Variants in ENPP1 observed in about 807,000 individuals in gnomAD.
The protein encoded by ENPP1 is ectonucleotide pyrophosphatase/phosphodiesterase 1.
A neutral mutation model predicts 122.8 loss-of-function variants in ENPP1; 73 were observed. The ratio of observed to expected loss-of-function variants is 0.59; its 90% CI spans 0.49 to 0.72. The LOEUF is 0.72. Ranked by LOEUF, ENPP1 falls within the 30% of genes least tolerant of loss-of-function variation. ENPP1 has a pLI of 0.00. For missense variants in ENPP1, 978 were observed against 1,128.1 expected (o/e 0.87, Z 1.91); for synonymous variants, 367 against 391.6 (o/e 0.94, Z 0.74).
At chr6:131,881,746 G>A (rs756551398) in intron 20 of ENPP1, among the ~76,000 whole-genome samples, 10 of 152,066 alleles carry the variant, frequency 6.6e-5, no homozygotes, top group Admixed American at 2.0e-4. Flanking sequence ...AGCCAGGCGT[G>A]GTGGGTCACA....
intron 1 of ENPP1, among the ~76,000 whole-genome samples, chr6:131,830,710 C>T (rs117915495): frequency 6.6e-6 from 1 of 151,914 alleles, no homozygotes; most frequent in Non-Finnish European, 1.5e-5. Context: ...AAAATGTTTA[C>T]AAAATAGTAT....
At chr6:131,827,186 GT>G (rs1321860052) in intron 1 of ENPP1, 4 of 771,710 alleles carry the variant, frequency 5.2e-6, no homozygotes, top group African/African-American at 3.4e-5. Context: ...ACAAGCTAAT[GT>G]TTTTCAGTTT....
intron 19 of ENPP1, among the ~76,000 whole-genome samples, chr6:131,879,567 G>A (rs1782275474): frequency 6.6e-6 from 1 of 152,062 alleles, no homozygotes; most frequent in South Asian, 2.1e-4. Flanking sequence ...TAAAGAATAA[G>A]TAATTAAAAT....
chr6:131,843,945 A>G (rs1314207627), intron 1 of ENPP1, among the ~76,000 whole-genome samples: 1 of 151,830 alleles, frequency 6.6e-6, no homozygotes, highest in Non-Finnish European at 1.5e-5. Flanking sequence ...TCCTGTTGCT[A>G]TACCTTAGTT....
At position 131,893,604 on chromosome 6, in the gene ENPP1, A is replaced by G. The variant is rs1402823069; in HGVS notation, c.*3093A>G. On this transcript the variant is annotated 3_prime_UTR_variant, in exon 25 of 25. Coordinates refer to ENST00000647893, the MANE Select transcript of ENPP1 (RefSeq NM_006208.3). ...TACACATACTTTTTCTTGCTTAGTTATAATAATCTGTTCTTAAAGAAAATG... is the reference window on the plus strand; with the variant it reads ...TACACATACTTTTTCTTGCTTAGTTGTAATAATCTGTTCTTAAAGAAAATG... The G allele has an allele frequency of 1.3e-5, 2 of 152,186 alleles. No homozygotes were observed. The highest frequency in any genetic ancestry group is 2.9e-5 in the Non-Finnish European group (2 of 68,036). 9.4% of individuals were successfully genotyped at this position (152,186 alleles called of 1,614,324 possible). A position where few individuals can be genotyped will look rare whatever the true frequency, so the allele number is the denominator to read the frequency against.
chr6:131,861,661 G>A lies in ENPP1; in HGVS notation c.982G>A (p.Glu328Lys), dbSNP rs750938306. Reference sequence around the variant, plus strand: ...ATTTTTCTGGCCAGGATCAGATGTGGAAATTAACGGAATTTTCCCAGACAT... The same window carrying A: ...ATTTTTCTGGCCAGGATCAGATGTGAAAATTAACGGAATTTTCCCAGACAT... ...GTFFWPGSDVEINGIFPDIYK... is the reference protein window; with the variant it reads ...GTFFWPGSDVKINGIFPDIYK... Residue 328 changes from glutamate to lysine, a missense_variant, in exon 9 of 25, where the codon GAA becomes AAA. Transcript: ENST00000647893. 2.0e-5 allele frequency: 33 copies of A among 1,613,418 alleles called. No homozygotes were observed. Among genetic ancestry groups the A allele is most frequent in the Middle Eastern group, 3.3e-4 (2 of 6,080 alleles).
rs1166340132 is a variant in ENPP1 at position 131,890,488 on chromosome 6, C to T, written c.2755C>T (p.Pro919Ser). The change falls in exon 25 of 25, where the codon CCA (proline) becomes TCA (serine). Residue 919 changes from proline to serine, a missense_variant. Pro to Ser is a moderately conservative substitution (Grantham distance 74). Coordinates refer to ENST00000647893, the MANE Select transcript of ENPP1 (RefSeq NM_006208.3). ...CATTTTAAAGTTGAAAACACATTTGCCAACCTTTAGCCAAGAAGACTGATA... is the reference window on the plus strand; with the variant it reads ...CATTTTAAAGTTGAAAACACATTTGTCAACCTTTAGCCAAGAAGACTGATA... ...SDILKLKTHL[P>S]TFSQED The T allele has an allele frequency of 6.2e-7, 1 of 1,613,906 alleles. No individual in the cohort carries two copies. The highest frequency in any genetic ancestry group is 8.5e-7 in the Non-Finnish European group (1 of 1,179,806).
chr6:131,865,679 C>G (rs1443737346), intron 11 of ENPP1, among the ~76,000 whole-genome samples: 1 of 152,134 alleles, frequency 6.6e-6, no homozygotes, highest in Non-Finnish European at 1.5e-5. Flanking sequence ...TATTTTGGAA[C>G]ACAGGAAGCA....
At chr6:131,858,567 A>AT (rs553544600) in intron 6 of ENPP1, 101 bp from the exon 7 acceptor site, 169 of 760,624 alleles carry the variant, frequency 2.2e-4, no homozygotes, top group African/African-American at 2.1e-3. Flanking sequence ...TCCTGGGCTA[A>AT]TTTTTTTTAC....
intron 18 of ENPP1, chr6:131,877,869 ATATATATATATATAT>A (rs1782254997): frequency 7.6e-5 from 4 of 52,856 alleles, no homozygotes; most frequent in Non-Finnish European, 1.5e-4. Flanking sequence ...AAAAAAAAAT[ATATATATATATATAT>A]ATATATATAT....
At chr6:131,846,476 A>G (rs967071545) in intron 1 of ENPP1, among the ~76,000 whole-genome samples, 4 of 151,740 alleles carry the variant, frequency 2.6e-5, no homozygotes, top group African/African-American at 9.7e-5. Context: ...TGGCAACATC[A>G]CGCCATCATT....
At chr6:131,886,779 T>A in intron 24 of ENPP1, 55 bp downstream of exon 24, 7 of 1,486,412 alleles carry the variant, frequency 4.7e-6, no homozygotes, top group Non-Finnish European at 6.5e-6. Context: ...CATATGCATA[T>A]TTGTTTATGT....
At chr6:131,858,627 C>G (rs999679594) in intron 6 of ENPP1, 41 bp from the exon 7 acceptor site, 1 of 1,315,850 alleles carries the variant, frequency 7.6e-7, no homozygotes, top group Non-Finnish European at 1.1e-6. Context: ...AGCCAATTGT[C>G]AGATGTATTT....
In ENPP1 at chr6:131,851,047, T is replaced by C. The variant is rs76925655; in HGVS notation, c.431-95T>C. 4,654 of 1,388,342 alleles carry C rather than the reference T, an allele frequency of 3.4e-3. 138 individuals carry two copies. The African/African-American group carries it at 0.059, about 18-fold the overall frequency. The allele number at this position is 1,388,342 out of a possible 1,614,324, so 86.0% of individuals were successfully genotyped here. A position where few individuals can be genotyped will look rare whatever the true frequency, so the allele number is the denominator to read the frequency against. On this transcript the variant is annotated intron_variant, in intron 3 of 24. Transcript: ENST00000647893. ...GAGCTGTGAAATTGTTCATTGTTGC[T>C]CATGGATCATACTCAGGAAGACAGC...
intron 5 of ENPP1, among the ~76,000 whole-genome samples, chr6:131,853,876 C>T (rs1420292764): frequency 6.6e-6 from 1 of 152,138 alleles, no homozygotes; most frequent in Non-Finnish European, 1.5e-5. Context: ...GGCCATTGTC[C>T]ATAGCTATTC....
intron 11 of ENPP1, 58 bp from the exon 12 acceptor site, chr6:131,867,960 G>A: frequency 1.2e-6 from 1 of 865,212 alleles, no homozygotes; most frequent in Non-Finnish European, 1.9e-6. Context: ...ATAGCTTTAT[G>A]TATAAATAGC....
At chr6:131,848,909 G>C (rs895517717) in intron 2 of ENPP1, among the ~76,000 whole-genome samples, 12 of 152,138 alleles carry the variant, frequency 7.9e-5, no homozygotes, top group Non-Finnish European at 5.9e-5. Flanking sequence ...AAAATTGCCT[G>C]ATTTCCCAGT....
intron 3 of ENPP1, 48 bp downstream of exon 3, chr6:131,850,154 A>G: frequency 7.7e-7 from 1 of 1,291,584 alleles, no homozygotes; most frequent in Admixed American, 1.7e-5. Flanking sequence ...TTAGGAAAAG[A>G]TCAAGGAAAG....
At position 131,890,769 on chromosome 6, in the gene ENPP1, T is replaced by C. The variant is rs1782459125; in HGVS notation, c.*258T>C. ...CGGGGGAATAAAGACAGACCACACC[T>C]AAAACTGCCTTTCTGCTTCTCTTAA... On this transcript the variant is annotated 3_prime_UTR_variant, in exon 25 of 25. Transcript: ENST00000647893. The C allele has an allele frequency of 5.0e-5, 24 of 482,768 alleles. No individual in the cohort carries two copies. In the South Asian group the frequency reaches 5.7e-4, roughly 11 times the overall value. 29.9% of individuals were successfully genotyped at this position (482,768 alleles called of 1,614,324 possible).
Sources: allele counts gnomAD v4.1 joint callset (sites outside exome capture counted in the v4.1 genomes callset), GRCh38; gene constraint gnomAD v4.1.1; transcripts MANE v1.5; gene names NCBI Gene and HGNC (gene_info 2026-07-23, HGNC 2026-07-21).